Variants in MYCBP2 observed in about 807,000 individuals in gnomAD.
MYCBP2 encodes the protein E3 ubiquitin-protein ligase MYCBP2.
Under a neutral mutation model 525.3 loss-of-function variants are expected in MYCBP2, and 120 were observed. The observed-to-expected ratio is 0.23, with a 90% CI of 0.20 to 0.27. The LOEUF (loss-of-function observed/expected upper bound fraction) is 0.27. Ranked by LOEUF, MYCBP2 falls within the 10% of genes least tolerant of loss-of-function variation. The pLI, the probability that MYCBP2 is intolerant of heterozygous loss-of-function variation, is 1.00. For synonymous variants in MYCBP2, 1,894 were observed against 1,955.8 expected, an observed-to-expected ratio of 0.97 and a Z score of 0.83; for missense variants, 4,149 against 5,657.1, an observed-to-expected ratio of 0.73 and a Z score of 8.55.
Position 77,217,851 on chromosome 13 carries a change from C to T in MYCBP2, c.3046G>A (p.Gly1016Arg). 6.3e-7 allele frequency: 1 copy of T among 1,597,616 alleles called. No individual in the cohort carries two copies. Among genetic ancestry groups the T allele is most frequent in the Non-Finnish European group, 8.5e-7 (1 of 1,172,900 alleles). ...TAAAAATTCCTTACAGAAAAACTTC[C>T]AAATGTGAAGACCTGTCCATCCATT... Reference protein sequence around the residue: ...LLMDGQVFTFGSFSKGQLGRP... With the variant: ...LLMDGQVFTFRSFSKGQLGRP... The change falls in exon 21 of 83, where the codon GGA (glycine) becomes AGA (arginine). Residue 1016 changes from glycine (G) to arginine (R), a missense_variant. Around this residue, in one of 21 missense-constraint regions of MYCBP2, gnomAD observed 620 missense variants for 795.5 expected, o/e 0.78. Coordinates refer to ENST00000544440, the MANE Select transcript of MYCBP2 (RefSeq NM_015057.5).
At chr13:77,145,503 T>G (rs2154188502) in intron 48 of MYCBP2, among the ~76,000 whole-genome samples, 1 of 152,270 alleles carries the variant, frequency 6.6e-6, no homozygotes, top group South Asian at 2.1e-4. Context: ...TTAAATGCCA[T>G]CTCAATATAG....
chr13:77,075,456 T>A (rs897027775), intron 68 of MYCBP2: 2 of 152,230 alleles, frequency 1.3e-5, no homozygotes, highest in Non-Finnish European at 2.9e-5. Flanking sequence ...CCAGTCTCTC[T>A]GATCAGTCCT....
At chr13:77,112,897 C>G (rs1199158715) in intron 55 of MYCBP2, among the ~76,000 whole-genome samples, 1 of 152,130 alleles carries the variant, frequency 6.6e-6, no homozygotes, top group African/African-American at 2.4e-5. Flanking sequence ...CTCTCCAGAT[C>G]TTGTATCTTC....
intron 55 of MYCBP2, among the ~76,000 whole-genome samples, chr13:77,104,962 A>C (rs1373768374): frequency 6.6e-6 from 1 of 152,052 alleles, no homozygotes; most frequent in Non-Finnish European, 1.5e-5. Context: ...GGTGCTGCAA[A>C]AGGAGCTCTT....
rs1308876924 is a variant in MYCBP2 at position 77,067,542 on chromosome 13, C to G, written c.12455+39G>C. On this transcript the variant is annotated intron_variant, in intron 71 of 82. Coordinates refer to ENST00000544440, the MANE Select transcript of MYCBP2 (RefSeq NM_015057.5). ...TTAAATTTCTGAACAGTAGCTCACT[C>G]TATTCTGTTTTGGTACTAAAATAGA... The G allele has an allele frequency of 1.9e-6, 3 of 1,594,968 alleles. No individual in the cohort carries two copies. The East Asian group carries it at 6.7e-5, about 36-fold the overall frequency.
chr13:77,296,759 T>C lies in MYCBP2; in HGVS notation c.303-85A>G. ...CTATCAAAAATGGGTATTTCCAAAG[T>C]AGACATTTGGATCTTTTTCTTGCAA... On this transcript the variant is annotated intron_variant, in intron 1 of 82. Coordinates refer to ENST00000544440, the MANE Select transcript of MYCBP2 (RefSeq NM_015057.5). 3 of 1,056,816 alleles carry C rather than the reference T, an allele frequency of 2.8e-6. No homozygotes were observed. The African/African-American group carries it at 4.9e-5, about 17-fold the overall frequency. 65.5% of individuals were successfully genotyped at this position (1,056,816 alleles called of 1,614,324 possible). A position where few individuals can be genotyped will look rare whatever the true frequency, so the allele number is the denominator to read the frequency against.
At chr13:77,201,497 C>T (rs1382659620) in intron 26 of MYCBP2, among the ~76,000 whole-genome samples, 1 of 152,060 alleles carries the variant, frequency 6.6e-6, no homozygotes, top group South Asian at 2.1e-4. Flanking sequence ...GACAGAAAGT[C>T]AACAAGGATA....
chr13:77,155,626 A>T (rs1240979208), intron 46 of MYCBP2, among the ~76,000 whole-genome samples: 4 of 152,176 alleles, frequency 2.6e-5, no homozygotes, highest in Non-Finnish European at 5.9e-5. Flanking sequence ...CTAAACTCAT[A>T]TATTTCTAAC....
intron 69 of MYCBP2, 60 bp downstream of exon 69, chr13:77,070,571 C>T: frequency 1.7e-6 from 2 of 1,178,948 alleles, no homozygotes; most frequent in South Asian, 2.8e-5. Flanking sequence ...GACAAACAAA[C>T]AAACACACAC....
chr13:77,081,270 G>C lies in MYCBP2; in HGVS notation c.11418+157C>G. ...ACAGTGCTCCCAATCATATTAATTT[G>C]TTTTTAGACTTAAGATTTATTTGGG... On this transcript the variant is annotated intron_variant, in intron 65 of 82. Transcript: ENST00000544440. The surrounding 1 kb of genome is among the most constrained non-coding windows in gnomAD (Gnocchi z 4.6). 1.5e-6 allele frequency: 1 copy of C among 656,384 alleles called. No homozygotes were observed. The highest frequency in any genetic ancestry group is 2.1e-5 in the South Asian group (1 of 48,358). The allele number at this position is 656,384 out of a possible 1,614,324, so 40.7% of individuals were successfully genotyped here. A position where few individuals can be genotyped will look rare whatever the true frequency, so the allele number is the denominator to read the frequency against.
chr13:77,275,110 G>C (rs1240819561), intron 4 of MYCBP2, among the ~76,000 whole-genome samples: 2 of 152,086 alleles, frequency 1.3e-5, no homozygotes, highest in Admixed American at 1.3e-4. Flanking sequence ...TTCTACACTA[G>C]GGTATTGGCA....
At chr13:77,227,393 T>G (rs17067321) in intron 18 of MYCBP2, among the ~76,000 whole-genome samples, 9,856 of 113,766 alleles carry the variant, frequency 0.087, 529 homozygotes, top group African/African-American at 0.18. Flanking sequence ...CCATCCAAAA[T>G]AAAATATACT....
chr13:77,189,220 T>C (rs2061052455), intron 29 of MYCBP2, among the ~76,000 whole-genome samples, 173 bp from the exon 30 acceptor site: 1 of 152,182 alleles, frequency 6.6e-6, no homozygotes, highest in African/African-American at 2.4e-5. Context: ...AAACAAAGTT[T>C]TTAGCATATG....
chr13:77,095,124 T>C (rs760050639), intron 58 of MYCBP2, among the ~76,000 whole-genome samples: 2 of 152,162 alleles, frequency 1.3e-5, no homozygotes, highest in Non-Finnish European at 2.9e-5. Flanking sequence ...TTCTAAGACA[T>C]GTTGTGTATT....
chr13:77,168,316 A>C, intron 40 of MYCBP2, 112 bp downstream of exon 40: 4 of 813,568 alleles, frequency 4.9e-6, no homozygotes, highest in Non-Finnish European at 7.8e-6. Context: ...CTATATGTAA[A>C]TACTATAAAA....
chr13:77,074,003 C>A (rs63356361), intron 68 of MYCBP2, among the ~76,000 whole-genome samples: 1 of 24,546 alleles, frequency 4.1e-5, no homozygotes, highest in Non-Finnish European at 1.9e-4. Flanking sequence ...ATCCCCACCG[C>A]CCCCCCCCCT....
rs757409070 is a variant in MYCBP2 at position 77,166,349 on chromosome 13, G to A, written c.6320C>T (p.Thr2107Ile). ...CTTACCTGGCAACACCAAAACCATA[G>A]TAGGCCACCCAGAGGATCCTGAAAA... ...KKFSGSSGWP[T>I]MVLVLPGNEA... is the part of the protein sequence containing the mutation. Residue 2107 changes from threonine (T) to isoleucine (I), a missense_variant, in exon 41 of 83, where the codon ACT becomes ATT. Around this residue, in one of 21 missense-constraint regions of MYCBP2, gnomAD observed 692 missense variants for 852.7 expected, o/e 0.81. Coordinates refer to ENST00000544440, the MANE Select transcript of MYCBP2 (RefSeq NM_015057.5). 45 of 1,611,078 alleles carry A rather than the reference G, an allele frequency of 2.8e-5. No individual in the cohort carries two copies. The highest frequency in any genetic ancestry group is 3.8e-5 in the Non-Finnish European group (45 of 1,178,578).
At chr13:77,203,450 C>T (rs1313766311) in intron 26 of MYCBP2, among the ~76,000 whole-genome samples, 3 of 151,930 alleles carry the variant, frequency 2.0e-5, no homozygotes, top group South Asian at 2.1e-4. Flanking sequence ...GAATCAATAT[C>T]GTGAAAATGG....
At chr13:77,083,469 T>A (rs2043657403) in intron 62 of MYCBP2, among the ~76,000 whole-genome samples, 4 of 152,120 alleles carry the variant, frequency 2.6e-5, no homozygotes, top group Admixed American at 2.6e-4. Flanking sequence ...TGAATCCACA[T>A]GTGTATGCAT....
Sources: allele counts gnomAD v4.1 joint callset (sites outside exome capture counted in the v4.1 genomes callset), GRCh38; gene constraint gnomAD v4.1.1; regional missense constraint gnomAD v4.1.1; non-coding constraint Gnocchi (gnomAD v3.1); transcripts MANE v1.5; gene names NCBI Gene and HGNC (gene_info 2026-07-23, HGNC 2026-07-21).